CSMD1: variants seen among roughly 807,000 people sequenced by gnomAD.
The protein encoded by CSMD1 is CUB and sushi domain-containing protein 1.
A neutral mutation model predicts 417.5 loss-of-function variants in CSMD1; 213 were observed. That is an observed-to-expected ratio of 0.51 (90% confidence interval 0.46 to 0.57). The LOEUF (loss-of-function observed/expected upper bound fraction) is 0.57. Among genes scored for constraint, CSMD1 ranks in the 20% least tolerant of loss-of-function variants. CSMD1 has a pLI of 0.00. For missense variants in CSMD1, 6,923 were observed against 4,529.7 expected, an observed-to-expected ratio of 1.53 and a Z score of -15.17; for synonymous variants, 2,862 against 1,736.8, an observed-to-expected ratio of 1.65 and a Z score of -16.11.
At chr8:3,603,851 T>G (rs1445015146) in intron 8 of CSMD1, among the ~76,000 whole-genome samples, 1 of 152,234 alleles carries the variant, frequency 6.6e-6, no homozygotes, top group Non-Finnish European at 1.5e-5. Flanking sequence ...TTCTACTTTT[T>G]CTTCTAGTTG....
At chr8:4,123,707 T>G (rs1447209608) in intron 3 of CSMD1, among the ~76,000 whole-genome samples, 2 of 152,196 alleles carry the variant, frequency 1.3e-5, no homozygotes, top group Non-Finnish European at 2.9e-5. Flanking sequence ...TTTATCACAT[T>G]TGGAAGAAGT....
At chr8:3,397,174 C>T (rs372989743) in intron 16 of CSMD1, among the ~76,000 whole-genome samples, 2 of 152,128 alleles carry the variant, frequency 1.3e-5, no homozygotes, top group Non-Finnish European at 1.5e-5. Context: ...AGAGCTAACC[C>T]GGTTTCTGAG....
chr8:4,725,775 G>T (rs1296599801), intron 1 of CSMD1, among the ~76,000 whole-genome samples: 5 of 152,106 alleles, frequency 3.3e-5, no homozygotes, highest in Non-Finnish European at 5.9e-5. Flanking sequence ...GAGTTACACA[G>T]GATTTGCGCT....
chr8:3,742,367 G>C (rs974831868), intron 6 of CSMD1, among the ~76,000 whole-genome samples: 5 of 152,028 alleles, frequency 3.3e-5, no homozygotes, highest in African/African-American at 4.8e-5. Flanking sequence ...AATCTGACCC[G>C]AATATTTTTC....
chr8:3,576,100 C>T (rs1585395964), intron 9 of CSMD1, among the ~76,000 whole-genome samples: 1 of 151,962 alleles, frequency 6.6e-6, no homozygotes, highest in East Asian at 1.9e-4. Flanking sequence ...TGAGTTTAAC[C>T]CTTTCTTCAA....
At position 4,878,124 on chromosome 8, in the gene CSMD1, C is replaced by G. The variant is rs1275241092; in HGVS notation, c.85+116208G>C. ...TAACCCTCAGCGTGTTCTGTTTTGG[C>G]TTTCCTCAGAAGTGGAGTCTAAGAA... On this transcript the variant is annotated intron_variant, in intron 1 of 69. Coordinates refer to ENST00000635120, the MANE Select transcript of CSMD1 (RefSeq NM_033225.6). Among the ~76,000 whole-genome samples the G allele has an allele frequency of 3.9e-5, 6 of 152,030 alleles. No homozygotes were observed. The South Asian group carries it at 1.2e-3, about 32-fold the overall frequency.
chr8:3,801,128 C>G (rs1374509683), intron 5 of CSMD1, among the ~76,000 whole-genome samples: 1 of 151,720 alleles, frequency 6.6e-6, no homozygotes, highest in East Asian at 1.9e-4. Context: ...ATTTTACCGA[C>G]ATTAAAAATT....
chr8:3,742,623 C>G (rs1267424564), intron 6 of CSMD1, among the ~76,000 whole-genome samples: 1 of 152,156 alleles, frequency 6.6e-6, no homozygotes, highest in Non-Finnish European at 1.5e-5. Flanking sequence ...CCCAGGTCCA[C>G]TTTTCCTTCT....
intron 3 of CSMD1, among the ~76,000 whole-genome samples, chr8:4,258,551 G>A (rs542230768): frequency 2.2e-5 from 2 of 90,014 alleles, no homozygotes; most frequent in Non-Finnish European, 4.9e-5. Flanking sequence ...TGGAACAATG[G>A]AGGGAGGGAG....
intron 1 of CSMD1, among the ~76,000 whole-genome samples, chr8:4,822,443 C>T (rs1028761570): frequency 3.9e-5 from 6 of 151,914 alleles, no homozygotes; most frequent in Admixed American, 2.0e-4. Context: ...TAAGAGGATT[C>T]CAAAAAATGT....
chr8:3,889,534 TACAC>T (rs1806810015), intron 5 of CSMD1, among the ~76,000 whole-genome samples: 1 of 108,856 alleles, frequency 9.2e-6, no homozygotes. Context: ...TATATATACA[TACAC>T]ACATATGTGT....
intron 5 of CSMD1, among the ~76,000 whole-genome samples, chr8:3,943,570 A>G (rs1293356140): frequency 6.6e-6 from 1 of 152,114 alleles, no homozygotes; most frequent in East Asian, 1.9e-4. Context: ...TTATTTACAA[A>G]AAGAAAAATA....
At chr8:4,247,057 A>T (rs1449405027) in intron 3 of CSMD1, among the ~76,000 whole-genome samples, 1 of 152,202 alleles carries the variant, frequency 6.6e-6, no homozygotes, top group Non-Finnish European at 1.5e-5. Context: ...TATAAAGTGA[A>T]GAAGACATCC....
intron 20 of CSMD1, among the ~76,000 whole-genome samples, chr8:3,360,865 T>G (rs1337974983): frequency 1.3e-5 from 2 of 152,130 alleles, no homozygotes; most frequent in African/African-American, 4.8e-5. Flanking sequence ...TTTTTTTTTT[T>G]TTTAGTTTAG....
At chr8:3,547,742 C>T (rs1024402955) in intron 10 of CSMD1, among the ~76,000 whole-genome samples, 1 of 152,098 alleles carries the variant, frequency 6.6e-6, no homozygotes, top group African/African-American at 2.4e-5. Context: ...TTGGCTTGAG[C>T]TAGTTATCTA....
At chr8:3,738,880 C>T (rs1402769119) in intron 6 of CSMD1, among the ~76,000 whole-genome samples, 15 of 152,188 alleles carry the variant, frequency 9.9e-5, no homozygotes, top group Non-Finnish European at 1.8e-4. Flanking sequence ...ATTCATATTT[C>T]ATTCATAGTC....
intron 41 of CSMD1, among the ~76,000 whole-genome samples, chr8:3,119,200 T>A (rs924531621): frequency 6.6e-6 from 1 of 151,328 alleles, no homozygotes; most frequent in Admixed American, 6.6e-5. Flanking sequence ...AAAAAGGAAA[T>A]GCAAGTAATA....
At chr8:4,861,577 G>A (rs1802135667) in intron 1 of CSMD1, among the ~76,000 whole-genome samples, 1 of 152,082 alleles carries the variant, frequency 6.6e-6, no homozygotes, top group Non-Finnish European at 1.5e-5. Flanking sequence ...CACTATTTAG[G>A]ATTGTCAACT....
At chr8:4,779,155 T>C (rs1391586414) in intron 1 of CSMD1, among the ~76,000 whole-genome samples, 3 of 152,218 alleles carry the variant, frequency 2.0e-5, no homozygotes, top group African/African-American at 7.2e-5. Context: ...TTAACTGAAG[T>C]CTTCGGTTTA....
Sources: allele counts gnomAD v4.1 joint callset (sites outside exome capture counted in the v4.1 genomes callset), GRCh38; gene constraint gnomAD v4.1.1; transcripts MANE v1.5; gene names NCBI Gene and HGNC (gene_info 2026-07-23, HGNC 2026-07-21).